The following BIRC2 variants were observed in gnomAD, a reference collection of about 807,000 sequenced individuals.
BIRC2 encodes baculoviral IAP repeat containing 2.
A neutral mutation model predicts 60.9 loss-of-function variants in BIRC2; 18 were observed. The observed-to-expected ratio is 0.30, with a 90% CI of 0.20 to 0.44. The LOEUF (loss-of-function observed/expected upper bound fraction) is 0.44, where lower values mean the gene tolerates loss of function less well. BIRC2 is among the 20% of genes least tolerant of loss of function. The pLI, the probability that BIRC2 is intolerant of heterozygous loss-of-function variation, is 1.00. For synonymous variants in BIRC2, 282 were observed against 247.7 expected, an observed-to-expected ratio of 1.14 and a Z score of -1.30; for missense variants, 701 against 728.5, an observed-to-expected ratio of 0.96 and a Z score of 0.43.
intron 6 of BIRC2, 107 bp from the exon 7 acceptor site, chr11:102,377,389 C>A (rs928701728): frequency 1.0e-4 from 105 of 1,011,530 alleles, no homozygotes; most frequent in Non-Finnish European, 1.4e-4. Flanking sequence ...CTTTTTTGAA[C>A]TTTATTTAGT....
intron 6 of BIRC2, among the ~76,000 whole-genome samples, chr11:102,376,018 G>A (rs1443118042): frequency 1.3e-5 from 2 of 151,728 alleles, no homozygotes; most frequent in African/African-American, 4.8e-5. Context: ...GGGACTTGGT[G>A]AAAGAAAGGG....
chr11:102,375,749 C>CA lies in BIRC2; in HGVS notation c.1367-1746dup, dbSNP rs146147756. Among the ~76,000 whole-genome samples the CA allele has an allele frequency of 5.4e-5, 8 of 148,410 alleles. No homozygotes were observed. The East Asian group carries it at 1.6e-3, about 29-fold the overall frequency. ...GAGCCGAGATCGTGCCCCTGCACTC[C>CA]AGCCTGGGTGACAGAGCCAGACTCC... On this transcript the variant is annotated intron_variant, in intron 6 of 8. Coordinates refer to ENST00000227758, the MANE Select transcript of BIRC2 (RefSeq NM_001166.5).
Position 102,377,711 on chromosome 11 carries a change from C to A in BIRC2, c.1582C>A (p.Leu528Ile). ...NAAANIFKNC[L>I]KEIDSTLYKN... The stretch of plus-strand genomic sequence containing the variant: ...TGCGGCCAACATCTTCAAAAACTGT[C>A]TAAAAGAAATTGACTCTACATTGTA... Residue 528 changes from leucine to isoleucine, a missense_variant, in exon 7 of 9, where the codon CTA becomes ATA. Transcript: ENST00000227758. 6.2e-7 allele frequency: 1 copy of A among 1,607,546 alleles called. No individual in the cohort carries two copies. The highest frequency in any genetic ancestry group is 1.1e-5 in the South Asian group (1 of 89,324).
chr11:102,361,299 C>T (rs911543933), intron 3 of BIRC2, among the ~76,000 whole-genome samples: 12 of 152,018 alleles, frequency 7.9e-5, no homozygotes, highest in East Asian at 1.9e-4. Flanking sequence ...GAGTTGGGTG[C>T]GGAGTGCAGG....
chr11:102,350,343 T>G lies in BIRC2; in HGVS notation c.489T>G (p.Ser163=). 1.2e-6 allele frequency: 2 copies of G among 1,614,226 alleles called. No homozygotes were observed. Among genetic ancestry groups the G allele is most frequent in the South Asian group, 1.1e-5 (1 of 91,082 alleles). Residue 163 remains serine, a synonymous_variant, in exon 2 of 9, where the codon TCT becomes TCG. Coordinates refer to ENST00000227758, the MANE Select transcript of BIRC2 (RefSeq NM_001166.5). ...GCCTTTCTCCAAACCCTCTTAATTC[T>G]AGAGCAGTTGAAGACATCTCTTCAT... The part of the protein sequence containing the change: ...YSSLSPNPLN[S]RAVEDISSSR...
intron 5 of BIRC2, among the ~76,000 whole-genome samples, chr11:102,364,370 A>C (rs1218625666): frequency 1.3e-5 from 2 of 152,030 alleles, no homozygotes; most frequent in Non-Finnish European, 2.9e-5. Context: ...AAGCGGTGCA[A>C]ATAATAAACC....
At chr11:102,351,601 C>T (rs1197988570) in intron 3 of BIRC2, among the ~76,000 whole-genome samples, 18 of 86,918 alleles carry the variant, frequency 2.1e-4, no homozygotes, top group Non-Finnish European at 3.2e-4. Flanking sequence ...GGTAACAGAG[C>T]AAGACTCTGT....
intron 3 of BIRC2, among the ~76,000 whole-genome samples, chr11:102,354,392 A>G (rs1354217941): frequency 2.6e-5 from 4 of 152,218 alleles, no homozygotes; most frequent in East Asian, 3.9e-4. Flanking sequence ...CTGTTTTTGT[A>G]GAGACGGGGT....
chr11:102,351,313 A>G (rs1390098627), intron 3 of BIRC2, among the ~76,000 whole-genome samples: 1 of 152,220 alleles, frequency 6.6e-6, no homozygotes, highest in East Asian at 1.9e-4. Context: ...GTAAAAGTCC[A>G]TGTATTAAGA....
intron 3 of BIRC2, among the ~76,000 whole-genome samples, chr11:102,354,360 C>T (rs766185436): frequency 7.9e-5 from 12 of 152,324 alleles, no homozygotes; most frequent in South Asian, 2.1e-4. Flanking sequence ...TAGGCACCTG[C>T]CATCATGTCC....
intron 3 of BIRC2, among the ~76,000 whole-genome samples, chr11:102,359,662 A>C (rs779091484): frequency 6.6e-6 from 1 of 152,118 alleles, no homozygotes; most frequent in Non-Finnish European, 1.5e-5. Flanking sequence ...ATATCATCCA[A>C]CTCTCTCCTG....
intron 6 of BIRC2, among the ~76,000 whole-genome samples, chr11:102,368,853 T>A (rs908869137): frequency 7.2e-5 from 11 of 152,182 alleles, no homozygotes; most frequent in African/African-American, 2.4e-4. Context: ...ATAACAAATT[T>A]AAATTGTTTT....
chr11:102,347,505 C>T (rs1416718289), intron 1 of BIRC2, 129 bp downstream of exon 1: 1 of 152,238 alleles, frequency 6.6e-6, no homozygotes. Context: ...GGCCAAGGGT[C>T]GAGGGTCGCC....
chr11:102,360,915 A>C (rs1489508603), intron 3 of BIRC2, among the ~76,000 whole-genome samples: 1 of 152,024 alleles, frequency 6.6e-6, no homozygotes, highest in Non-Finnish European at 1.5e-5. Context: ...CCATTAGCCC[A>C]GATCATTGTC....
intron 3 of BIRC2, among the ~76,000 whole-genome samples, chr11:102,354,944 G>GTTTTTTTT (rs61520984): frequency 1.2e-3 from 109 of 89,624 alleles, no homozygotes; most frequent in Middle Eastern, 9.8e-3. Flanking sequence ...AATTATTTGG[G>GTTTTTTTT]TTTTTTTTTT....
rs952008939 is a variant in BIRC2, at chr11:102,349,749, C to T, written c.-106C>T. 1 of 1,178,688 alleles carries T rather than the reference C, an allele frequency of 8.5e-7. No homozygotes were observed. The allele number at this position is 1,178,688 out of a possible 1,614,324, so 73.0% of individuals were successfully genotyped here. A position where few individuals can be genotyped will look rare whatever the true frequency, so the allele number is the denominator to read the frequency against. ...TCCAGTAAAGAAAGTGTAGTAAATTCTACATAAGAGTCTATCATTGATTTC... is the reference window on the plus strand; with the variant it reads ...TCCAGTAAAGAAAGTGTAGTAAATTTTACATAAGAGTCTATCATTGATTTC... On this transcript the variant is annotated 5_prime_UTR_variant, in exon 2 of 9. Coordinates refer to ENST00000227758, the MANE Select transcript of BIRC2 (RefSeq NM_001166.5).
At chr11:102,351,980 G>A (rs925977992) in intron 3 of BIRC2, among the ~76,000 whole-genome samples, 2 of 152,030 alleles carry the variant, frequency 1.3e-5, no homozygotes, top group African/African-American at 2.4e-5. Flanking sequence ...ACCGTTCTGC[G>A]ATTATACCGC....
chr11:102,359,760 A>C (rs1951464771), intron 3 of BIRC2, among the ~76,000 whole-genome samples: 1 of 152,088 alleles, frequency 6.6e-6, no homozygotes, highest in Admixed American at 6.5e-5. Context: ...TACAGTTTTA[A>C]AATTCTCTTT....
intron 6 of BIRC2, among the ~76,000 whole-genome samples, chr11:102,370,317 TAATCCATCTTG>T (rs2135820165): frequency 7.2e-6 from 1 of 138,854 alleles, no homozygotes; most frequent in Admixed American, 7.3e-5. Context: ...TTTAAATCTT[TAATCCATCTTG>T]AATTGATTTT....
Sources: allele counts gnomAD v4.1 joint callset (sites outside exome capture counted in the v4.1 genomes callset), GRCh38; gene constraint gnomAD v4.1.1; transcripts MANE v1.5; gene names NCBI Gene and HGNC (gene_info 2026-07-23, HGNC 2026-07-21).